STC1: variants seen among roughly 807,000 people sequenced by gnomAD.
The protein encoded by STC1 is stanniocalcin-1.
Under a neutral mutation model 22.6 loss-of-function variants are expected in STC1, and 7 were observed. That is an observed-to-expected ratio of 0.31 (90% CI 0.18 to 0.58). The LOEUF (loss-of-function observed/expected upper bound fraction) is 0.58. STC1 is among the 20% of genes least tolerant of loss of function. The probability of loss-of-function intolerance (pLI) is 0.89; values close to 1 mark genes in which losing one functional copy is unlikely to be tolerated. For missense variants in STC1, 224 were observed against 311.0 expected, an observed-to-expected ratio of 0.72 and a Z score of 2.10; for synonymous variants, 113 against 120.7, an observed-to-expected ratio of 0.94 and a Z score of 0.42.
At chr8:23,851,614 G>T in intron 2 of STC1, 83 bp from the exon 3 acceptor site, 1 of 1,199,898 alleles carries the variant, frequency 8.3e-7, no homozygotes, top group Non-Finnish European at 1.2e-6. Flanking sequence ...AATTTAAGGG[G>T]GCTCATCTGG....
Position 23,854,726 on chromosome 8 carries a change from C to CGCCGCT in STC1, c.-204_-203insAGCGGC. The CGCCGCT allele has an allele frequency of 3.0e-6, 2 of 656,766 alleles. No individual in the cohort carries two copies. The highest frequency in any genetic ancestry group is 5.8e-5 in the East Asian group (2 of 34,338). The allele number at this position is 656,766 out of a possible 1,614,324, so 40.7% of individuals were successfully genotyped here. A position where few individuals can be genotyped will look rare whatever the true frequency, so the allele number is the denominator to read the frequency against. Reference sequence around the variant, plus strand: ...CCTCCGCTGCTGCTGCTGCTGCCGCCGCTGCTGCTGCTGCTGCCACCGCCG... The same window carrying CGCCGCT: ...CCTCCGCTGCTGCTGCTGCTGCCGCCGCCGCTGCTGCTGCTGCTGCTGCCACCGCCG... On this transcript the variant is annotated 5_prime_UTR_variant, in exon 1 of 4. Coordinates refer to ENST00000290271, the MANE Select transcript of STC1 (RefSeq NM_003155.3).
At chr8:23,853,869 TA>T (rs1563343934) in intron 1 of STC1, among the ~76,000 whole-genome samples, 2 of 151,880 alleles carry the variant, frequency 1.3e-5, no homozygotes, top group Non-Finnish European at 2.9e-5. Context: ...GGGTGGGATG[TA>T]TAGGGTTTTC....
rs1802677751 is a variant in STC1 at position 23,854,653 on chromosome 8, G to A, written c.-130C>T. ...AAAGCTTAGGTGAGGATTTGATGAGGATTTTTTTTTGTTGTTGTTGCTGGT... is the reference window on the plus strand; with the variant it reads ...AAAGCTTAGGTGAGGATTTGATGAGAATTTTTTTTTGTTGTTGTTGCTGGT... On this transcript the variant is annotated 5_prime_UTR_variant, in exon 1 of 4. Coordinates refer to ENST00000290271, the MANE Select transcript of STC1 (RefSeq NM_003155.3). The A allele has an allele frequency of 2.2e-6, 2 of 895,096 alleles. No homozygotes were observed. Among genetic ancestry groups the A allele is most frequent in the Middle Eastern group, 4.4e-4 (2 of 4,552 alleles). The allele number at this position is 895,096 out of a possible 1,614,324, so 55.4% of individuals were successfully genotyped here. A position where few individuals can be genotyped will look rare whatever the true frequency, so the allele number is the denominator to read the frequency against.
Position 23,842,545 on chromosome 8 carries a change from G to A in STC1, c.*2225C>T, listed in dbSNP as rs1365104129. The stretch of plus-strand genomic sequence containing the variant: ...AAATCTACTGAACTGAAGAAAGAGA[G>A]AAATTTGCTAGGAATACTCATGAAC... On this transcript the variant is annotated 3_prime_UTR_variant, in exon 4 of 4. Coordinates refer to ENST00000290271, the MANE Select transcript of STC1 (RefSeq NM_003155.3). 1 of 148,496 alleles carries A rather than the reference G, an allele frequency of 6.7e-6. No homozygotes were observed. 9.2% of individuals were successfully genotyped at this position (148,496 alleles called of 1,614,324 possible).
At chr8:23,850,190 G>A (rs772276351) in intron 3 of STC1, among the ~76,000 whole-genome samples, 32 of 152,240 alleles carry the variant, frequency 2.1e-4, no homozygotes, top group Non-Finnish European at 4.3e-4. Context: ...TTGCATGTAT[G>A]TACATGACTA....
chr8:23,850,028 T>C lies in STC1; in HGVS notation c.473+1292A>G, dbSNP rs117644391. Among the ~76,000 whole-genome samples, 910 of 152,338 alleles carry C rather than the reference T, an allele frequency of 6.0e-3. 5 individuals are homozygous for C. Among genetic ancestry groups the C allele is most frequent in the Non-Finnish European group, 9.6e-3 (656 of 68,044 alleles). On this transcript the variant is annotated intron_variant, in intron 3 of 3. Coordinates refer to ENST00000290271, the MANE Select transcript of STC1 (RefSeq NM_003155.3). The stretch of plus-strand genomic sequence containing the variant: ...GAGGAAACCATTTAGAACCCCATGA[T>C]AAAGTCACTTCCAAGGACTAGAGAA...
chr8:23,849,627 C>G (rs1391023050), intron 3 of STC1, among the ~76,000 whole-genome samples: 3 of 152,148 alleles, frequency 2.0e-5, no homozygotes, highest in African/African-American at 7.2e-5. Context: ...CTCTGCCTTT[C>G]TAATGGAAGA....
In STC1 at chr8:23,844,953, C is replaced by T; in HGVS notation, c.561G>A (p.Gly187=). The T allele has an allele frequency of 6.2e-7, 1 of 1,614,110 alleles. No homozygotes were observed. Residue 187 remains glycine (G), a synonymous_variant, in exon 4 of 4, where the codon GGG becomes GGA. Coordinates refer to ENST00000290271, the MANE Select transcript of STC1 (RefSeq NM_003155.3). The part of the protein sequence containing the change: ...TIRDSLMEKI[G]PNMASLFHIL... ...TGTGGAAGAGGCTGGCCATGTTAGG[C>T]CCAATTTTCTCCATCAGGCTGTCTC...
intron 3 of STC1, among the ~76,000 whole-genome samples, chr8:23,847,577 T>A (rs1005184405): frequency 2.0e-5 from 3 of 152,244 alleles, no homozygotes; most frequent in Non-Finnish European, 4.4e-5. Flanking sequence ...TCAGGATTAT[T>A]TGATGTCACC....
chr8:23,848,164 C>T (rs1038866978), intron 3 of STC1, among the ~76,000 whole-genome samples: 3 of 152,128 alleles, frequency 2.0e-5, no homozygotes, highest in African/African-American at 7.2e-5. Context: ...CATTTTTCTT[C>T]TCAATTTTAC....
chr8:23,854,804 A>G lies in STC1; in HGVS notation c.-281T>C. 3 of 513,814 alleles carry G rather than the reference A, an allele frequency of 5.8e-6. No homozygotes were observed. Among genetic ancestry groups the G allele is most frequent in the East Asian group, 4.1e-5 (1 of 24,632 alleles). The allele number at this position is 513,814 out of a possible 1,614,324, so 31.8% of individuals were successfully genotyped here. A position where few individuals can be genotyped will look rare whatever the true frequency, so the allele number is the denominator to read the frequency against. On this transcript the variant is annotated 5_prime_UTR_variant, in exon 1 of 4. Transcript: ENST00000290271. ...CTTCTTGCACCTCTGGCTTTTGCAA[A>G]CTGGGGGCCCAAGAGCTGCACCCAG...
Position 23,852,352 on chromosome 8 carries a change from G to A in STC1, c.151C>T (p.Gln51Ter). 1 of 1,611,406 alleles carries A rather than the reference G, an allele frequency of 6.2e-7. No individual in the cohort carries two copies. Among genetic ancestry groups the A allele is most frequent in the Non-Finnish European group, 8.5e-7 (1 of 1,178,794 alleles). ...EVVRCLNSAL[Q>*]VGCGAFACLE... ...CATGCAAAAGCCCCGCAGCCGACCT[G>A]TAGAGCACTGTTGAGGCAACGAACC... Residue 51 changes from glutamine to a stop codon, truncating the protein, a stop_gained, in exon 2 of 4, where the codon CAG becomes TAG. Coordinates refer to ENST00000290271, the MANE Select transcript of STC1 (RefSeq NM_003155.3). LOFTEE classifies it high-confidence loss of function.
chr8:23,848,554 A>G (rs4872202), intron 3 of STC1, among the ~76,000 whole-genome samples: 3,934 of 138,100 alleles, frequency 0.028, 70 homozygotes, highest in Admixed American at 0.049. Flanking sequence ...AAAAAAAAAA[A>G]AAGAAGAAGA....
At chr8:23,851,627 A>T (rs932849932) in intron 2 of STC1, 96 bp from the exon 3 acceptor site, 119 of 1,040,246 alleles carry the variant, frequency 1.1e-4, no homozygotes, top group Admixed American at 1.6e-4. Context: ...TCATCTGGGC[A>T]ACGTATCATG....
At chr8:23,854,333 C>A in intron 1 of STC1, 73 bp downstream of exon 1, 1 of 1,330,208 alleles carries the variant, frequency 7.5e-7, no homozygotes, top group Non-Finnish European at 1.1e-6. Context: ...CCGTCACAGA[C>A]ACAGTTGCAA....
intron 2 of STC1, among the ~76,000 whole-genome samples, 193 bp from the exon 3 acceptor site, chr8:23,851,724 T>C (rs952275535): frequency 6.7e-6 from 1 of 150,368 alleles, no homozygotes; most frequent in Non-Finnish European, 1.5e-5. Flanking sequence ...TCTCCCTGGA[T>C]TCCCTTGAGA....
chr8:23,854,050 G>C, intron 1 of STC1: 3 of 1,074,840 alleles, frequency 2.8e-6, no homozygotes, highest in African/African-American at 3.2e-5. Flanking sequence ...TCTTACCTTA[G>C]ATCAGCTTCT....
intron 3 of STC1, among the ~76,000 whole-genome samples, chr8:23,851,021 C>T (rs1283120788): frequency 6.6e-6 from 1 of 150,770 alleles, no homozygotes; most frequent in East Asian, 1.9e-4. Context: ...TTCACCATTC[C>T]CTTCAGGCTT....
intron 1 of STC1, among the ~76,000 whole-genome samples, 174 bp from the exon 2 acceptor site, chr8:23,852,558 C>A (rs1472923833): frequency 6.6e-6 from 1 of 152,134 alleles, no homozygotes; most frequent in Non-Finnish European, 1.5e-5. Flanking sequence ...GATAGACAGG[C>A]TCCTTTTGTT....
Sources: gnomAD v4.1 joint callset for allele counts (sites outside exome capture counted in the v4.1 genomes callset) on GRCh38, gnomAD v4.1.1 for gene constraint, MANE v1.5 for transcripts, NCBI Gene and HGNC (gene_info 2026-07-23, HGNC 2026-07-21) for gene names.